The following RIMS2 variants were observed in gnomAD, a reference collection of about 807,000 sequenced individuals.
The protein encoded by RIMS2 is regulating synaptic membrane exocytosis protein 2.
A neutral mutation model predicts 174.4 loss-of-function variants in RIMS2; 59 were observed. The ratio of observed to expected loss-of-function variants is 0.34; its 90% CI spans 0.27 to 0.42. The LOEUF (loss-of-function observed/expected upper bound fraction) is 0.42. Ranked by LOEUF, RIMS2 falls within the 10% of genes least tolerant of loss-of-function variation. RIMS2 has a pLI of 1.00. For missense variants in RIMS2, 1,620 were observed against 1,666.3 expected, an observed-to-expected ratio of 0.97 and a Z score of 0.48; for synonymous variants, 606 against 572.5, an observed-to-expected ratio of 1.06 and a Z score of -0.84.
At chr8:103,773,898 G>A (rs142669885) in intron 3 of RIMS2, among the ~76,000 whole-genome samples, 88 of 150,878 alleles carry the variant, frequency 5.8e-4, no homozygotes, top group Non-Finnish European at 1.2e-3. Context: ...TTGTATAAAC[G>A]TGGGAGGCCG....
chr8:104,144,435 A>G (rs1321706933), intron 19 of RIMS2, among the ~76,000 whole-genome samples: 1 of 152,188 alleles, frequency 6.6e-6, no homozygotes, highest in African/African-American at 2.4e-5. Context: ...CCATGACAAG[A>G]ACTAATGTGG....
chr8:104,071,643 A>C (rs187818841), intron 19 of RIMS2, among the ~76,000 whole-genome samples: 2 of 152,080 alleles, frequency 1.3e-5, no homozygotes, highest in Non-Finnish European at 2.9e-5. Flanking sequence ...TCACCGTGTT[A>C]GCCAGGATGG....
chr8:103,756,106 G>T (rs1190032511), intron 2 of RIMS2, among the ~76,000 whole-genome samples: 1 of 152,182 alleles, frequency 6.6e-6, no homozygotes, highest in Non-Finnish European at 1.5e-5. Context: ...TACAGATGGG[G>T]TTTTGGTGTG....
intron 4 of RIMS2, among the ~76,000 whole-genome samples, chr8:103,893,029 G>A (rs745544934): frequency 4.5e-4 from 69 of 152,040 alleles, no homozygotes; most frequent in Admixed American, 7.9e-4. Context: ...TACAAATGGT[G>A]TATAGGGCAT....
chr8:103,689,999 T>G (rs1030988546), intron 1 of RIMS2, among the ~76,000 whole-genome samples: 6 of 151,458 alleles, frequency 4.0e-5, no homozygotes, highest in Non-Finnish European at 4.4e-5. Context: ...CTTACTTTGT[T>G]GCCCAGACTG....
chr8:104,051,111 A>G (rs2096778029), intron 19 of RIMS2, among the ~76,000 whole-genome samples: 1 of 151,938 alleles, frequency 6.6e-6, no homozygotes, highest in Non-Finnish European at 1.5e-5. Context: ...TGGTGGCACA[A>G]GCCTGTAGTC....
At chr8:104,223,911 G>C (rs981246881) in intron 19 of RIMS2, 6 of 808,016 alleles carry the variant, frequency 7.4e-6, no homozygotes, top group Middle Eastern at 3.0e-4. Context: ...TCTGCTCTCC[G>C]GGACTGTGCC....
intron 1 of RIMS2, among the ~76,000 whole-genome samples, chr8:103,593,068 T>G (rs1240782723): frequency 6.6e-6 from 1 of 151,510 alleles, no homozygotes; most frequent in Non-Finnish European, 1.5e-5. Flanking sequence ...GACATTTTCT[T>G]GAAATTGAAC....
intron 1 of RIMS2, among the ~76,000 whole-genome samples, chr8:103,511,168 TG>T (rs1388652453): frequency 6.6e-6 from 1 of 152,140 alleles, no homozygotes; most frequent in African/African-American, 2.4e-5. Context: ...GGGTTTTAGG[TG>T]GAGGGACTGG....
chr8:103,712,105 CT>C (rs917021080), intron 2 of RIMS2, among the ~76,000 whole-genome samples: 2 of 151,430 alleles, frequency 1.3e-5, no homozygotes, highest in African/African-American at 4.9e-5. Flanking sequence ...AATCCTCCTG[CT>C]TCAGCCTCCT....
At chr8:103,533,008 C>T (rs551297935) in intron 1 of RIMS2, among the ~76,000 whole-genome samples, 1 of 152,232 alleles carries the variant, frequency 6.6e-6, no homozygotes, top group Admixed American at 6.5e-5. Context: ...TATATGTTGA[C>T]ATTACCAGAC....
chr8:104,232,078 T>A (rs1302677820), intron 19 of RIMS2, among the ~76,000 whole-genome samples: 1 of 152,204 alleles, frequency 6.6e-6, no homozygotes, highest in Admixed American at 6.5e-5. Flanking sequence ...CTACTAAATT[T>A]AAAAATCATA....
intron 19 of RIMS2, among the ~76,000 whole-genome samples, chr8:104,045,064 A>G (rs2096669949): frequency 6.6e-6 from 1 of 151,980 alleles, no homozygotes; most frequent in East Asian, 1.9e-4. Context: ...AAAAGGTAAT[A>G]TCTTTATTAG....
intron 3 of RIMS2, among the ~76,000 whole-genome samples, chr8:103,822,733 G>C (rs1476226615): frequency 6.6e-6 from 1 of 151,838 alleles, no homozygotes; most frequent in East Asian, 1.9e-4. Context: ...AAACTCACTT[G>C]ACTCACTTGA....
chr8:103,921,934 A>G lies in RIMS2; in HGVS notation c.2196+150A>G, dbSNP rs1253284835. 17 of 436,496 alleles carry G rather than the reference A, an allele frequency of 3.9e-5. No homozygotes were observed. The Admixed American group carries it at 6.4e-4, about 16-fold the overall frequency. 27.0% of individuals were successfully genotyped at this position (436,496 alleles called of 1,614,324 possible). ...TCATTCTTTTAATTTTTGAAATCCA[A>G]TTTTGATTATTTATCATACTGCTTC... On this transcript the variant is annotated intron_variant, in intron 10 of 23. Transcript: ENST00000504942.
chr8:103,950,410 A>C (rs1174566428), intron 14 of RIMS2, among the ~76,000 whole-genome samples: 2 of 152,192 alleles, frequency 1.3e-5, no homozygotes, highest in Admixed American at 6.5e-5. Flanking sequence ...AGAAAATTGA[A>C]TCCACAATAC....
intron 4 of RIMS2, among the ~76,000 whole-genome samples, chr8:103,903,958 A>G (rs573984729): frequency 3.9e-5 from 6 of 152,298 alleles, no homozygotes; most frequent in Non-Finnish European, 7.4e-5. Flanking sequence ...TTAAGAAACT[A>G]ATACTGGAAC....
intron 19 of RIMS2, among the ~76,000 whole-genome samples, chr8:104,066,581 T>C (rs186933635): frequency 2.7e-3 from 405 of 152,286 alleles, no homozygotes; most frequent in Non-Finnish European, 4.3e-3. Flanking sequence ...AAAATATCTT[T>C]TGAAGTACAA....
intron 1 of RIMS2, among the ~76,000 whole-genome samples, chr8:103,645,852 T>G (rs1180800907): frequency 6.6e-6 from 1 of 152,124 alleles, no homozygotes; most frequent in Admixed American, 6.6e-5. Context: ...ATAATATTAA[T>G]TTCATACACG....
Sources: gnomAD v4.1 joint callset for allele counts (sites outside exome capture counted in the v4.1 genomes callset) on GRCh38, gnomAD v4.1.1 for gene constraint, MANE v1.5 for transcripts, NCBI Gene and HGNC (gene_info 2026-07-23, HGNC 2026-07-21) for gene names.